Variants in NSMAF observed in about 807,000 individuals in gnomAD.
NSMAF encodes the protein neutral sphingomyelinase activation associated factor.
A neutral mutation model predicts 134.9 loss-of-function variants in NSMAF; 90 were observed. The ratio of observed to expected loss-of-function variants is 0.67; its 90% CI spans 0.56 to 0.79. NSMAF has a LOEUF of 0.79. NSMAF is among the 30% of genes least tolerant of loss of function. NSMAF has a pLI of 0.00. For missense variants in NSMAF, 1,010 were observed against 1,119.0 expected, an observed-to-expected ratio of 0.90 and a Z score of 1.39; for synonymous variants, 358 against 389.6, an observed-to-expected ratio of 0.92 and a Z score of 0.96.
chr8:58,623,103 A>C, intron 9 of NSMAF, 117 bp downstream of exon 9: 3 of 767,002 alleles, frequency 3.9e-6, no homozygotes, highest in Non-Finnish European at 6.7e-6. Flanking sequence ...CCATTCTCTA[A>C]GACAAGCAGG....
chr8:58,619,473 C>G (rs1340150376), intron 9 of NSMAF, among the ~76,000 whole-genome samples: 2 of 151,782 alleles, frequency 1.3e-5, no homozygotes, highest in Non-Finnish European at 1.5e-5. Context: ...ATTACAGATG[C>G]AAAAATCAAA....
In NSMAF at chr8:58,643,040, G is replaced by A. The variant is rs769854177; in HGVS notation, c.93C>T (p.Tyr31=). Residue 31 remains tyrosine (Y), a synonymous_variant, in exon 2 of 31, where the codon TAC becomes TAT. Coordinates refer to ENST00000038176, the MANE Select transcript of NSMAF (RefSeq NM_003580.4). ...GATTGGCTCTATGCTGTTCAAAGTA[G>A]TACTCCTCCAAGTTAAGCAGCAGCA... ...FSLLLLNLEE[Y]YFEQHRANHI... The A allele has an allele frequency of 8.1e-6, 13 of 1,613,978 alleles. No individual in the cohort carries two copies. Among genetic ancestry groups the A allele is most frequent in the Middle Eastern group, 1.6e-4 (1 of 6,084 alleles).
intron 9 of NSMAF, among the ~76,000 whole-genome samples, chr8:58,614,432 C>A (rs982016682): frequency 1.3e-5 from 2 of 152,190 alleles, no homozygotes; most frequent in Non-Finnish European, 2.9e-5. Flanking sequence ...TCTGAGCAGG[C>A]CTGAGTTACG....
intron 9 of NSMAF, among the ~76,000 whole-genome samples, chr8:58,614,578 G>A (rs763935712): frequency 2.6e-4 from 40 of 152,186 alleles, no homozygotes; most frequent in Admixed American, 1.1e-3. Flanking sequence ...ATTATCGGTC[G>A]TTGTCCTGCC....
chr8:58,587,692 C>G lies in NSMAF; in HGVS notation c.2221G>C (p.Gly741Arg), dbSNP rs779072286. Residue 741 changes from glycine to arginine, a missense_variant, in exon 27 of 31, where the codon GGT becomes CGT. Transcript: ENST00000038176. Reference sequence around the variant, plus strand: ...GTGCCTGGCATCTCTGCAGGAACACCAGACCACACCTAGGATGGAACATAT... The same window carrying G: ...GTGCCTGGCATCTCTGCAGGAACACGAGACCACACCTAGGATGGAACATAT... ...SWDSTVKVWS[G>R]VPAEMPGTKR... 1 of 1,614,000 alleles carries G rather than the reference C, an allele frequency of 6.2e-7. No individual in the cohort carries two copies. Among genetic ancestry groups the G allele is most frequent in the Non-Finnish European group, 8.5e-7 (1 of 1,179,856 alleles).
chr8:58,586,303 G>T, intron 28 of NSMAF, 155 bp downstream of exon 28: 1 of 718,444 alleles, frequency 1.4e-6, no homozygotes, highest in Non-Finnish European at 2.3e-6. Flanking sequence ...CTGTACCCTG[G>T]CATAAAGCAG....
At chr8:58,589,892 T>G in intron 25 of NSMAF, 115 bp downstream of exon 25, 1 of 815,844 alleles carries the variant, frequency 1.2e-6, no homozygotes, top group Non-Finnish European at 2.0e-6. Flanking sequence ...ATCTGTTCCC[T>G]TTAGAAAACA....
intron 1 of NSMAF, among the ~76,000 whole-genome samples, chr8:58,644,983 G>A (rs1807413297): frequency 6.6e-6 from 1 of 152,054 alleles, no homozygotes; most frequent in African/African-American, 2.4e-5. Context: ...AGCTAGAGGA[G>A]GGATAGCATT....
At chr8:58,595,756 A>G in intron 21 of NSMAF, 97 bp from the exon 22 acceptor site, 1 of 758,318 alleles carries the variant, frequency 1.3e-6, no homozygotes, top group East Asian at 2.7e-5. Flanking sequence ...CAAACAACTA[A>G]GAAATGAAAC....
Position 58,597,391 on chromosome 8 carries a change from G to A in NSMAF, c.1788C>T (p.Ser596=). 3.1e-6 allele frequency: 5 copies of A among 1,612,866 alleles called. No individual in the cohort carries two copies. In the East Asian group the frequency reaches 1.1e-4, roughly 36 times the overall value. ...TSSYNASMAD[S]PGEESFEDLT... is the part of the protein sequence containing the mutation. ...TATTCTCTTTACAAAATTTACCTGG[G>A]GAATCTGCCATAGAAGCATTATAAC... The change falls in exon 21 of 31, where the codon TCC becomes TCT. Residue 596 remains serine, a synonymous_variant. Coordinates refer to ENST00000038176, the MANE Select transcript of NSMAF (RefSeq NM_003580.4).
chr8:58,628,897 T>C (rs1806996431), intron 6 of NSMAF, among the ~76,000 whole-genome samples: 1 of 152,206 alleles, frequency 6.6e-6, no homozygotes, highest in Non-Finnish European at 1.5e-5. Context: ...CCTGCAAGCT[T>C]TCTGGTGAAA....
At chr8:58,621,237 A>G (rs147448493) in intron 9 of NSMAF, among the ~76,000 whole-genome samples, 1 of 152,296 alleles carries the variant, frequency 6.6e-6, no homozygotes, top group East Asian at 1.9e-4. Flanking sequence ...CTCCAGCGCC[A>G]TCCGTGGCCT....
intron 9 of NSMAF, among the ~76,000 whole-genome samples, chr8:58,617,032 G>T (rs1396926799): frequency 6.6e-6 from 1 of 152,148 alleles, no homozygotes. Context: ...ACAGAACAGG[G>T]ATTCTGAGTG....
At chr8:58,596,073 G>A (rs563475330) in intron 21 of NSMAF, among the ~76,000 whole-genome samples, 1 of 152,266 alleles carries the variant, frequency 6.6e-6, no homozygotes, top group South Asian at 2.1e-4. Flanking sequence ...AAGGGCTTCT[G>A]GCAGGAGTAA....
At chr8:58,618,610 A>AACAC (rs199844081) in intron 9 of NSMAF, among the ~76,000 whole-genome samples, 2 of 150,982 alleles carry the variant, frequency 1.3e-5, no homozygotes, top group Non-Finnish European at 3.0e-5. Context: ...ACATACAAAT[A>AACAC]ACACACACAC....
intron 17 of NSMAF, 28 bp from the exon 18 acceptor site, chr8:58,599,898 G>C: frequency 6.2e-7 from 1 of 1,613,104 alleles, no homozygotes; most frequent in African/African-American, 1.3e-5. Context: ...AAATAAAAAA[G>C]AACAACAAAC....
chr8:58,645,700 T>TTTGTTATATGAATATA (rs1807431936), intron 1 of NSMAF, among the ~76,000 whole-genome samples: 1 of 151,922 alleles, frequency 6.6e-6, no homozygotes. Flanking sequence ...TTAATATCCC[T>TTTGTTATATGAATATA]ACAAAGAAGA....
Position 58,640,141 on chromosome 8 carries a change from C to A in NSMAF, c.149+2843G>T, listed in dbSNP as rs76766121. ...GTAGAGTTATTGACTACAGTCCATA[C>A]CACATCATACACTTGAAATTGGCTC... On this transcript the variant is annotated intron_variant, in intron 2 of 30. Coordinates refer to ENST00000038176, the MANE Select transcript of NSMAF (RefSeq NM_003580.4). 2.3e-3 allele frequency: 1,028 copies of A among 447,502 alleles called. 8 individuals carry two copies. The highest frequency in any genetic ancestry group is 0.019 in the African/African-American group (929 of 49,790). 27.7% of individuals were successfully genotyped at this position (447,502 alleles called of 1,614,324 possible).
intron 2 of NSMAF, among the ~76,000 whole-genome samples, chr8:58,639,043 C>T (rs1486827257): frequency 6.6e-6 from 1 of 151,914 alleles, no homozygotes; most frequent in East Asian, 1.9e-4. Context: ...CCAGCACTTT[C>T]GGAGGCCGAG....
Sources: gnomAD v4.1 joint callset for allele counts (sites outside exome capture counted in the v4.1 genomes callset) on GRCh38, gnomAD v4.1.1 for gene constraint, MANE v1.5 for transcripts, NCBI Gene and HGNC (gene_info 2026-07-23, HGNC 2026-07-21) for gene names.